Variants in CPNE5 observed in about 807,000 individuals in gnomAD.
CPNE5 encodes the protein copine-5.
Under a neutral mutation model 81.1 loss-of-function variants are expected in CPNE5, and 42 were observed. That is an observed-to-expected ratio of 0.52 (90% confidence interval 0.40 to 0.67). The LOEUF is 0.67. Ranked by LOEUF, CPNE5 falls within the 30% of genes least tolerant of loss-of-function variation. CPNE5 has a pLI of 0.00. For synonymous variants in CPNE5, 313 were observed against 321.5 expected (o/e 0.97, Z 0.28); for missense variants, 612 against 815.5 (o/e 0.75, Z 3.04).
intron 15 of CPNE5, 138 bp downstream of exon 15, chr6:36,748,083 C>G: frequency 2.5e-6 from 2 of 807,178 alleles, no homozygotes; most frequent in South Asian, 3.0e-5. Context: ...ATCTTTGGTC[C>G]TCCAGACCTA....
intron 8 of CPNE5, among the ~76,000 whole-genome samples, chr6:36,782,654 A>G (rs1373110742): frequency 6.6e-6 from 1 of 151,960 alleles, no homozygotes; most frequent in African/African-American, 2.4e-5. Context: ...AAATACAAAA[A>G]TTAGCCGGGC....
rs746678595 is a variant in CPNE5, at chr6:36,798,205, T to C, written c.364A>G (p.Ile122Val). Residue 122 changes from isoleucine to valine, a missense_variant, in exon 6 of 21, where the codon ATT (isoleucine) becomes GTT (valine). Ile to Val is a conservative substitution (Grantham distance 29, BLOSUM62 3). Coordinates refer to ENST00000244751, the MANE Select transcript of CPNE5 (RefSeq NM_020939.2). ...LGQAFCTLGEIVGSPGSRLEK... is the reference protein window; with the variant it reads ...LGQAFCTLGEVVGSPGSRLEK... ...AGGCGGCTCCCAGGGGACCCCACAA[T>C]CTCTCCAAGGGTGCAGAAGGCCTGG... The C allele has an allele frequency of 5.6e-6, 9 of 1,613,580 alleles. No homozygotes were observed. Among genetic ancestry groups the C allele is most frequent in the Middle Eastern group, 1.6e-4 (1 of 6,082 alleles).
chr6:36,756,093 G>GGCC, intron 13 of CPNE5, 152 bp downstream of exon 13: 2 of 595,830 alleles, frequency 3.4e-6, no homozygotes, highest in East Asian at 3.0e-5. Flanking sequence ...TGCTCCATCT[G>GGCC]CCCCACCCCT....
At chr6:36,812,608 TG>T (rs1771198772) in intron 3 of CPNE5, among the ~76,000 whole-genome samples, 1 of 152,198 alleles carries the variant, frequency 6.6e-6, no homozygotes, top group Non-Finnish European at 1.5e-5. Context: ...AGCACCTCAC[TG>T]TGTCAAAGCA....
rs71540165 is a variant in CPNE5, at chr6:36,749,661, TA to T, written c.972-1395del. Among the ~76,000 whole-genome samples, 1,001 of 139,420 alleles carry T rather than the reference TA, an allele frequency of 7.2e-3. 9 individuals carry two copies. Among genetic ancestry groups the T allele is most frequent in the African/African-American group, 0.019 (723 of 37,606 alleles). 91.5% of individuals were successfully genotyped at this position (139,420 alleles called of 152,430 possible). Reference sequence around the variant, plus strand: ...GAGCAACATAGTGAGACCTCAAAAATAAAAAAAAAAAACCCACTAAAATAAA... The same window carrying T: ...GAGCAACATAGTGAGACCTCAAAAATAAAAAAAAAAACCCACTAAAATAAA... On this transcript the variant is annotated intron_variant, in intron 14 of 20. Transcript: ENST00000244751.
chr6:36,796,913 T>C (rs1253982143), intron 6 of CPNE5, among the ~76,000 whole-genome samples: 1 of 151,970 alleles, frequency 6.6e-6, no homozygotes, highest in African/African-American at 2.4e-5. Flanking sequence ...GCAGTTATTA[T>C]TATTATTATT....
chr6:36,837,794 A>C (rs1773649995), intron 1 of CPNE5, among the ~76,000 whole-genome samples: 1 of 152,070 alleles, frequency 6.6e-6, no homozygotes, highest in Non-Finnish European at 1.5e-5. Context: ...TCCCAAGACA[A>C]CTGAAGATGA....
Position 36,799,985 on chromosome 6 carries a change from T to C in CPNE5, c.269A>G (p.Gln90Arg). ...FIVDYFFEEKQNLRFDLYDVD... is the reference protein window; with the variant it reads ...FIVDYFFEEKRNLRFDLYDVD... ...CACTTACAGATCAAAACGGAGGTTC[T>C]GCTTCTCCTCGAAAAAGTAATCCAC... The change falls in exon 4 of 21, where the codon CAG becomes CGG. Residue 90 changes from glutamine (Q) to arginine (R), a missense_variant. Coordinates refer to ENST00000244751, the MANE Select transcript of CPNE5 (RefSeq NM_020939.2). 6.2e-7 allele frequency: 1 copy of C among 1,613,610 alleles called. No individual in the cohort carries two copies. Among genetic ancestry groups the C allele is most frequent in the Non-Finnish European group, 8.5e-7 (1 of 1,179,508 alleles).
intron 6 of CPNE5, among the ~76,000 whole-genome samples, chr6:36,796,900 A>T (rs574126113): frequency 6.6e-6 from 1 of 151,904 alleles, no homozygotes; most frequent in Non-Finnish European, 1.5e-5. Flanking sequence ...ACACACACAC[A>T]TTGCAGTTAT....
Position 36,783,523 on chromosome 6 carries a change from TC to T in CPNE5, c.529-4567del, listed in dbSNP as rs1554202001. Among the ~76,000 whole-genome samples, 3 of 47,858 alleles carry T rather than the reference TC, an allele frequency of 6.3e-5. No homozygotes were observed. The East Asian group carries it at 3.7e-3, about 59-fold the overall frequency. 31.4% of individuals were successfully genotyped at this position (47,858 alleles called of 152,430 possible). On this transcript the variant is annotated intron_variant, in intron 8 of 20. Coordinates refer to ENST00000244751, the MANE Select transcript of CPNE5 (RefSeq NM_020939.2). ...TTCCTTTTTTGTTTTTCAGACAGGTTCTCTCTCTCTCTCTCTGTCACCCACG... is the reference window on the plus strand; with the variant it reads ...TTCCTTTTTTGTTTTTCAGACAGGTTTCTCTCTCTCTCTCTGTCACCCACG...
chr6:36,810,870 G>A (rs762999957), intron 3 of CPNE5, among the ~76,000 whole-genome samples: 1 of 152,188 alleles, frequency 6.6e-6, no homozygotes, highest in Non-Finnish European at 1.5e-5. Context: ...GCAGGGCAGA[G>A]GTGGAGACAG....
intron 3 of CPNE5, among the ~76,000 whole-genome samples, chr6:36,806,613 A>G (rs1770616265): frequency 1.3e-5 from 2 of 152,220 alleles, no homozygotes; most frequent in African/African-American, 4.8e-5. Flanking sequence ...AAATCTCTCC[A>G]GTTAAACCCT....
At chr6:36,773,392 CG>C (rs1562120909) in intron 10 of CPNE5, among the ~76,000 whole-genome samples, 1 of 152,228 alleles carries the variant, frequency 6.6e-6, no homozygotes. Context: ...CTCGCTCTCT[CG>C]GCGCTTGCTA....
intron 13 of CPNE5, 54 bp from the exon 14 acceptor site, chr6:36,753,149 G>A: frequency 6.9e-7 from 1 of 1,456,266 alleles, no homozygotes. Context: ...AGGGGAGATG[G>A]GTTATGATTC....
At chr6:36,757,667 G>GGGA (rs1304000024) in intron 12 of CPNE5, among the ~76,000 whole-genome samples, 1 of 152,206 alleles carries the variant, frequency 6.6e-6, no homozygotes, top group Non-Finnish European at 1.5e-5. Context: ...AGGGCAAAAA[G>GGGA]TGACAAGGGC....
At chr6:36,764,260 G>C (rs553244895) in intron 11 of CPNE5, among the ~76,000 whole-genome samples, 1 of 152,166 alleles carries the variant, frequency 6.6e-6, no homozygotes, top group East Asian at 1.9e-4. Context: ...GGTAAGACGA[G>C]GCAAATTCCA....
chr6:36,780,596 CGT>C (rs1767960266), intron 8 of CPNE5, among the ~76,000 whole-genome samples: 2 of 152,158 alleles, frequency 1.3e-5, no homozygotes, highest in Admixed American at 1.3e-4. Context: ...GCGCTGTGTG[CGT>C]GTGAGCTGTT....
At chr6:36,745,663 TC>T in intron 16 of CPNE5, 148 bp from the exon 17 acceptor site, 1 of 848,052 alleles carries the variant, frequency 1.2e-6, no homozygotes, top group Non-Finnish European at 1.8e-6. Context: ...GGGAGGGAGC[TC>T]CCAGGGCCCA....
At chr6:36,756,115 CTCT>C in intron 13 of CPNE5, 127 bp downstream of exon 13, 1 of 385,440 alleles carries the variant, frequency 2.6e-6, no homozygotes, top group East Asian at 8.3e-5. Flanking sequence ...CCCACCCCAT[CTCT>C]CTTGGATGTC....
Sources: allele counts gnomAD v4.1 joint callset (sites outside exome capture counted in the v4.1 genomes callset), GRCh38; gene constraint gnomAD v4.1.1; transcripts MANE v1.5; gene names NCBI Gene and HGNC (gene_info 2026-07-23, HGNC 2026-07-21).